MRE11: variants seen among roughly 807,000 people sequenced by gnomAD.
MRE11 encodes MRE11 double strand break repair nuclease.
Under a neutral mutation model 91.7 loss-of-function variants are expected in MRE11, and 62 were observed. The ratio of observed to expected loss-of-function variants is 0.68; its 90% confidence interval spans 0.55 to 0.84. The LOEUF (loss-of-function observed/expected upper bound fraction) is 0.84, where lower values mean the gene tolerates loss of function less well. MRE11 is among the 40% of genes least tolerant of loss of function. The pLI is 0.00. For synonymous variants in MRE11, 273 were observed against 271.4 expected (o/e 1.01, Z -0.06); for missense variants, 796 against 852.9 (o/e 0.93, Z 0.83).
At chr11:94,465,916 A>C (rs12224897) in intron 10 of MRE11, among the ~76,000 whole-genome samples, 19,287 of 152,174 alleles carry the variant, frequency 0.13, 1,412 homozygotes, top group African/African-American at 0.2. Context: ...ACTGGGAAGA[A>C]AAACATGTAA....
At position 94,486,006 on chromosome 11, in the gene MRE11, A is replaced by C. The variant is rs1308023057; in HGVS notation, c.232T>G (p.Leu78Val). The C allele has an allele frequency of 1.2e-6, 2 of 1,613,894 alleles. No individual in the cohort carries two copies. Among genetic ancestry groups the C allele is most frequent in the African/African-American group, 1.3e-5 (1 of 74,996 alleles). Residue 78 changes from leucine (L) to valine (V), a missense_variant, in exon 4 of 20, where the codon TTA becomes GTA. By Grantham distance (32) the Leu-to-Val change is conservative. Transcript: ENST00000323929. Reference sequence around the variant, plus strand: ...TCACCCATACAATATTTTCTTAATAACTCGAGGCAGGTATGTAATGTTTTC... The same window carrying C: ...TCACCCATACAATATTTTCTTAATACCTCGAGGCAGGTATGTAATGTTTTC... ...SRKTLHTCLELLRKYCMGDRP... is the reference protein window; with the variant it reads ...SRKTLHTCLEVLRKYCMGDRP...
In MRE11 at chr11:94,418,390, T is replaced by A. The variant is rs572345508; in HGVS notation, c.*1735A>T. The A allele has an allele frequency of 4.3e-6, 1 of 232,784 alleles. No homozygotes were observed. The highest frequency in any genetic ancestry group is 2.2e-5 in the African/African-American group (1 of 45,436). 14.4% of individuals were successfully genotyped at this position (232,784 alleles called of 1,614,324 possible). On this transcript the variant is annotated 3_prime_UTR_variant, in exon 20 of 20. Coordinates refer to ENST00000323929, the MANE Select transcript of MRE11 (RefSeq NM_005591.4). Reference sequence around the variant, plus strand: ...TTCACAGCCAAGAGCAATTTTTTTTTTTTTAAGGAAAAAAACTTTATTCCT... The same window carrying A: ...TTCACAGCCAAGAGCAATTTTTTTTATTTTAAGGAAAAAAACTTTATTCCT...
intron 17 of MRE11, 106 bp downstream of exon 17, chr11:94,437,071 T>G: frequency 1.0e-6 from 1 of 987,748 alleles, no homozygotes; most frequent in Non-Finnish European, 1.5e-6. Context: ...GCTTTAATGT[T>G]CCATAATTTT....
chr11:94,467,835 T>C lies in MRE11; in HGVS notation c.1076A>G (p.Glu359Gly). The C allele has an allele frequency of 6.2e-7, 1 of 1,613,628 alleles. No individual in the cohort carries two copies. The highest frequency in any genetic ancestry group is 1.1e-5 in the South Asian group (1 of 91,074). ...RERLGNSHQP[E>G]KPLVRLRVDY... ...TACTCGCAGTCGTACAAGAGGCTTC[T>C]CTGGCTGGTGAGAATTACCCAGACG... The change falls in exon 10 of 20, where the codon GAG becomes GGG. Residue 359 changes from glutamate to glycine, a missense_variant. Physicochemically the swap from Glu to Gly is moderately conservative, Grantham distance 98. Transcript: ENST00000323929.
chr11:94,473,053 AG>A (rs1391308660), intron 7 of MRE11: 1 of 152,132 alleles, frequency 6.6e-6, no homozygotes, highest in Non-Finnish European at 1.5e-5. Context: ...CAGAGAACTG[AG>A]ATGAAGCATC....
At chr11:94,464,705 T>A (rs1318646140) in intron 10 of MRE11, among the ~76,000 whole-genome samples, 1 of 152,168 alleles carries the variant, frequency 6.6e-6, no homozygotes, top group African/African-American at 2.4e-5. Flanking sequence ...TAATAAAGAA[T>A]CAAATCTGTG....
chr11:94,450,669 TAAC>T (rs1946075437), intron 14 of MRE11, among the ~76,000 whole-genome samples: 1 of 152,054 alleles, frequency 6.6e-6, no homozygotes, highest in Admixed American at 6.6e-5. Context: ...TAGAAAATCA[TAAC>T]AAGAATACTG....
intron 6 of MRE11, among the ~76,000 whole-genome samples, chr11:94,476,942 A>G (rs907759716): frequency 2.6e-5 from 4 of 151,602 alleles, no homozygotes; most frequent in African/African-American, 9.7e-5. Flanking sequence ...CTGGTCTTGA[A>G]CTCCGGACCT....
intron 16 of MRE11, among the ~76,000 whole-genome samples, chr11:94,443,950 C>T (rs554799129): frequency 1.4e-5 from 2 of 146,978 alleles, no homozygotes; most frequent in East Asian, 3.9e-4. Context: ...GGAGACGCTC[C>T]GTCACCCAGT....
At chr11:94,510,767 G>T in the MRE11 span, among the ~76,000 whole-genome samples, 1 of 152,192 alleles carries the variant, frequency 6.6e-6, no homozygotes, top group Admixed American at 6.5e-5. Context: ...CTTAGCAAAA[G>T]CCAAGGCATG....
At chr11:94,497,323 T>A (rs1314182443), upstream of MRE11, 5 of 366,728 alleles carry the variant, frequency 1.4e-5, no homozygotes, top group East Asian at 2.1e-4. Flanking sequence ...TTCTTCTCTT[T>A]TATAGAGTAA....
intron 5 of MRE11, 126 bp downstream of exon 5, chr11:94,479,548 A>T: frequency 1.3e-6 from 1 of 784,770 alleles, no homozygotes; most frequent in Non-Finnish European, 2.1e-6. Context: ...TATGAATGTG[A>T]AAAGTCAACT....
At position 94,417,454 on chromosome 11, in the gene MRE11, A is replaced by C. The variant is rs1386566574; in HGVS notation, c.*2671T>G. Reference sequence around the variant, plus strand: ...AGCAAATTACATGATTAGAAGGCTAATTATGGTATTACTGCATAGGTTTAG... The same window carrying C: ...AGCAAATTACATGATTAGAAGGCTACTTATGGTATTACTGCATAGGTTTAG... On this transcript the variant is annotated 3_prime_UTR_variant, in exon 20 of 20. Transcript: ENST00000323929. 1 of 232,846 alleles carries C rather than the reference A, an allele frequency of 4.3e-6. No individual in the cohort carries two copies. The highest frequency in any genetic ancestry group is 8.5e-6 in the Non-Finnish European group (1 of 117,876). 14.4% of individuals were successfully genotyped at this position (232,846 alleles called of 1,614,324 possible).
chr11:94,452,486 T>C (rs1946136010), intron 14 of MRE11, among the ~76,000 whole-genome samples: 1 of 152,166 alleles, frequency 6.6e-6, no homozygotes, highest in Non-Finnish European at 1.5e-5. Context: ...AGTTAAGACA[T>C]CTTTGGACTA....
At position 94,470,770 on chromosome 11, in the gene MRE11, T is replaced by C. The variant is rs1946688826; in HGVS notation, c.846-128A>G. 11 of 981,202 alleles carry C rather than the reference T, an allele frequency of 1.1e-5. No individual in the cohort carries two copies. In the South Asian group the frequency reaches 1.4e-4, roughly 13 times the overall value. The allele number at this position is 981,202 out of a possible 1,614,324, so 60.8% of individuals were successfully genotyped here. On this transcript the variant is annotated intron_variant, in intron 8 of 19. Coordinates refer to ENST00000323929, the MANE Select transcript of MRE11 (RefSeq NM_005591.4). ...ATAAAATCATACTCTTAAAAATAAA[T>C]GTTTCTGCTAATTTAACCTTAATGT...
chr11:94,443,918 A>ATTGTTTTT (rs1555004110), intron 16 of MRE11, among the ~76,000 whole-genome samples: 2 of 135,170 alleles, frequency 1.5e-5, no homozygotes, highest in African/African-American at 2.8e-5. Flanking sequence ...CCTTCAACCA[A>ATTGTTTTT]TTTTTTTTTT....
At chr11:94,463,115 G>A (rs1946464790) in intron 11 of MRE11, among the ~76,000 whole-genome samples, 1 of 152,162 alleles carries the variant, frequency 6.6e-6, no homozygotes, top group East Asian at 1.9e-4. Context: ...CAAAAAGTGG[G>A]TGAAGGATAT....
intron 7 of MRE11, among the ~76,000 whole-genome samples, chr11:94,474,083 T>C (rs746106845): frequency 6.6e-6 from 1 of 152,104 alleles, no homozygotes; most frequent in Non-Finnish European, 1.5e-5. Flanking sequence ...TCATTCAGAG[T>C]GCTGAGCAAG....
At chr11:94,446,460 T>C (rs1017865359) in intron 15 of MRE11, among the ~76,000 whole-genome samples, 10 of 152,168 alleles carry the variant, frequency 6.6e-5, no homozygotes, top group African/African-American at 2.4e-4. Context: ...AAAAATTTTG[T>C]AAATGTAAGA....
Sources: allele counts gnomAD v4.1 joint callset (sites outside exome capture counted in the v4.1 genomes callset), GRCh38; gene constraint gnomAD v4.1.1; transcripts MANE v1.5; gene names NCBI Gene and HGNC (gene_info 2026-07-23, HGNC 2026-07-21).